Variants in NKAIN3 observed in about 807,000 individuals in gnomAD.
NKAIN3 encodes sodium/potassium transporting ATPase interacting 3.
In NKAIN3, 25 loss-of-function variants were observed where a neutral mutation model predicts 30.2. That is an observed-to-expected ratio of 0.83 (90% confidence interval 0.60 to 1.16). The LOEUF (loss-of-function observed/expected upper bound fraction) is 1.16, where lower values mean the gene tolerates loss of function less well. Ranked by LOEUF, NKAIN3 falls within the 50% of genes most tolerant of loss-of-function variation. The pLI is 0.00. For missense variants in NKAIN3, 225 were observed against 254.1 expected, an observed-to-expected ratio of 0.89 and a Z score of 0.78; for synonymous variants, 91 against 89.6, an observed-to-expected ratio of 1.02 and a Z score of -0.09.
intron 4 of NKAIN3, among the ~76,000 whole-genome samples, chr8:62,752,486 A>G (rs1816314758): frequency 6.6e-6 from 1 of 152,208 alleles, no homozygotes; most frequent in South Asian, 2.1e-4. Flanking sequence ...AGGAGGGCTG[A>G]ACTTTTACTT....
Position 62,763,929 on chromosome 8 carries a change from T to C in NKAIN3, c.471+16800T>C, listed in dbSNP as rs555734384. Among the ~76,000 whole-genome samples the C allele has an allele frequency of 7.9e-5, 12 of 152,072 alleles. No homozygotes were observed. The East Asian group carries it at 2.3e-3, about 29-fold the overall frequency. ...GGAATGTGTCTGTGTGAAGGAGAAG[T>C]TTATTGAGGGGTTGTAATGTCTCTG... is the stretch of plus-strand genomic sequence containing the variant. On this transcript the variant is annotated intron_variant, in intron 4 of 6. Coordinates refer to ENST00000623646, the MANE Select transcript of NKAIN3 (RefSeq NM_001304533.3).
At chr8:62,358,375 A>G (rs1816428005) in intron 1 of NKAIN3, among the ~76,000 whole-genome samples, 1 of 151,336 alleles carries the variant, frequency 6.6e-6, no homozygotes, top group Non-Finnish European at 1.5e-5. Flanking sequence ...GCTCATCATT[A>G]TTAAAGCCAT....
At chr8:62,673,206 A>G (rs1813363977) in intron 3 of NKAIN3, among the ~76,000 whole-genome samples, 1 of 152,256 alleles carries the variant, frequency 6.6e-6, no homozygotes, top group South Asian at 2.1e-4. Context: ...TGTGTTTCTC[A>G]CAATTCCTTA....
chr8:62,569,041 G>C (rs895114900), intron 1 of NKAIN3, among the ~76,000 whole-genome samples: 3 of 152,122 alleles, frequency 2.0e-5, no homozygotes, highest in African/African-American at 7.2e-5. Context: ...AAAAGGAGGT[G>C]ATATATCAGA....
intron 1 of NKAIN3, among the ~76,000 whole-genome samples, chr8:62,499,398 T>G (rs1002319614): frequency 2.0e-5 from 3 of 152,100 alleles, no homozygotes; most frequent in Admixed American, 1.3e-4. Flanking sequence ...GTAACTGTAT[T>G]TTCTGTTCTT....
chr8:62,327,685 C>G (rs914613872), intron 1 of NKAIN3, among the ~76,000 whole-genome samples: 1 of 151,990 alleles, frequency 6.6e-6, no homozygotes, highest in African/African-American at 2.4e-5. Flanking sequence ...TTTTGATTAC[C>G]ATAGCTTTGT....
At chr8:62,405,718 A>G (rs1311022179) in intron 1 of NKAIN3, among the ~76,000 whole-genome samples, 1 of 152,058 alleles carries the variant, frequency 6.6e-6, no homozygotes, top group Non-Finnish European at 1.5e-5. Flanking sequence ...AGGTACTGTA[A>G]TTGCTCACCT....
chr8:62,324,953 C>T (rs1815065659), intron 1 of NKAIN3, among the ~76,000 whole-genome samples: 1 of 151,522 alleles, frequency 6.6e-6, no homozygotes, highest in African/African-American at 2.4e-5. Context: ...TGCAGTGTTT[C>T]TTCTTCCCAA....
chr8:62,558,421 A>G (rs928729212), intron 1 of NKAIN3, among the ~76,000 whole-genome samples: 3 of 151,786 alleles, frequency 2.0e-5, no homozygotes, highest in Admixed American at 6.6e-5. Context: ...GAATTTTAGG[A>G]TTTCTTTTTC....
intron 3 of NKAIN3, among the ~76,000 whole-genome samples, chr8:62,712,630 G>A (rs753286045): frequency 6.6e-5 from 10 of 152,108 alleles, no homozygotes; most frequent in Non-Finnish European, 1.5e-4. Context: ...CAGGCAGAGG[G>A]CTTGAAAACT....
chr8:62,364,846 A>AAAAAAAAAAAAAC (rs1816686345), intron 1 of NKAIN3, among the ~76,000 whole-genome samples: 1 of 151,104 alleles, frequency 6.6e-6, no homozygotes, highest in Non-Finnish European at 1.5e-5. Context: ...AAAAAAAAAA[A>AAAAAAAAAAAAAC]AAAAATCATC....
Position 62,414,523 on chromosome 8 carries a change from C to T in NKAIN3, c.55-165016C>T, listed in dbSNP as rs548833513. ...ATTCTGCTGTTCGTGGCGTTAATGC[C>T]GAAGATCTGATAAGAGGAGTTGCAG... On this transcript the variant is annotated intron_variant, in intron 1 of 6. Coordinates refer to ENST00000623646, the MANE Select transcript of NKAIN3 (RefSeq NM_001304533.3). 1.2e-3 allele frequency among the ~76,000 whole-genome samples: 176 copies of T among 152,114 alleles called. 2 individuals are homozygous for T. The highest frequency in any genetic ancestry group is 4.7e-3 in the Admixed American group (72 of 15,276).
At chr8:62,943,468 G>T (rs1345644407) in intron 5 of NKAIN3, among the ~76,000 whole-genome samples, 2 of 151,910 alleles carry the variant, frequency 1.3e-5, no homozygotes, top group African/African-American at 4.8e-5. Flanking sequence ...AACCACTACG[G>T]AAAAAAATGT....
At chr8:62,653,374 A>G (rs1014640554) in intron 3 of NKAIN3, among the ~76,000 whole-genome samples, 1 of 152,104 alleles carries the variant, frequency 6.6e-6, no homozygotes, top group Non-Finnish European at 1.5e-5. Context: ...TCATGATCTC[A>G]TCTAAAGCTA....
intron 3 of NKAIN3, among the ~76,000 whole-genome samples, chr8:62,618,290 A>G (rs1031524113): frequency 7.9e-5 from 12 of 152,286 alleles, no homozygotes; most frequent in Non-Finnish European, 1.3e-4. Context: ...CAAATTTGGA[A>G]CACCAGAACC....
rs1586023444 is a variant in NKAIN3 at position 62,626,181 on chromosome 8, G to T, written c.273+36387G>T. ...CTCATCACCAAAATAGGTAGGAAGG[G>T]TATCCACTGATTCTGCCATTAACAT... On this transcript the variant is annotated intron_variant, in intron 3 of 6. Coordinates refer to ENST00000623646, the MANE Select transcript of NKAIN3 (RefSeq NM_001304533.3). Among the ~76,000 whole-genome samples, 5 of 152,178 alleles carry T rather than the reference G, an allele frequency of 3.3e-5. No individual in the cohort carries two copies. In the South Asian group the frequency reaches 1.0e-3, roughly 32 times the overall value.
rs1220262017 is a variant in NKAIN3 at position 62,967,186 on chromosome 8, G to T, written c.*1779G>T. Among the ~76,000 whole-genome samples the T allele has an allele frequency of 1.3e-5, 2 of 152,298 alleles. No homozygotes were observed. Among genetic ancestry groups the T allele is most frequent in the South Asian group, 4.1e-4 (2 of 4,832 alleles). On this transcript the variant is annotated 3_prime_UTR_variant, in exon 7 of 7. Transcript: ENST00000623646. Reference sequence around the variant, plus strand: ...TGCAGATGAGGGGGCTGAAGCCTAAGGGATTTGGTGAACTTGTCCAGAGCC... The same window carrying T: ...TGCAGATGAGGGGGCTGAAGCCTAATGGATTTGGTGAACTTGTCCAGAGCC...
At chr8:62,270,194 CTCAGTCTCCTGA>C (rs1416589565) in intron 1 of NKAIN3, among the ~76,000 whole-genome samples, 1 of 152,102 alleles carries the variant, frequency 6.6e-6, no homozygotes, top group East Asian at 1.9e-4. Context: ...ATCCTCCCAC[CTCAGTCTCCTGA>C]GTAGCTGGTA....
intron 1 of NKAIN3, among the ~76,000 whole-genome samples, chr8:62,347,939 T>C (rs1816054298): frequency 6.6e-6 from 1 of 152,166 alleles, no homozygotes; most frequent in African/African-American, 2.4e-5. Context: ...ACACATAGCA[T>C]TTAAATAAAT....
Sources: allele counts gnomAD v4.1 joint callset (sites outside exome capture counted in the v4.1 genomes callset), GRCh38; gene constraint gnomAD v4.1.1; transcripts MANE v1.5; gene names NCBI Gene and HGNC (gene_info 2026-07-23, HGNC 2026-07-21).